The following CWC27 variants were observed in gnomAD, a reference collection of about 807,000 sequenced individuals.
CWC27 encodes the protein spliceosome-associated protein CWC27 homolog.
Under a neutral mutation model 63.6 loss-of-function variants are expected in CWC27, and 47 were observed. That is an observed-to-expected ratio of 0.74 (90% CI 0.58 to 0.94). The LOEUF is 0.94. CWC27 is among the 40% of genes least tolerant of loss of function. The pLI, the probability that CWC27 is intolerant of heterozygous loss-of-function variation, is 0.00. For synonymous variants in CWC27, 175 were observed against 179.8 expected (o/e 0.97, Z 0.22); for missense variants, 495 against 554.3 (o/e 0.89, Z 1.07).
At chr5:64,845,793 GA>G (rs1388594513) in intron 10 of CWC27, among the ~76,000 whole-genome samples, 1 of 152,102 alleles carries the variant, frequency 6.6e-6, no homozygotes, top group Non-Finnish European at 1.5e-5. Flanking sequence ...AGAAGAAAGA[GA>G]AAAAGGGTCA....
Position 64,865,722 on chromosome 5 carries a change from C to T in CWC27, c.939-19721C>T, listed in dbSNP as rs986336523. ...TGTTAAAGTTTTATTCATAAAGCTA[C>T]GCATTACTGGTAATTATTCTGGGCT... On this transcript the variant is annotated intron_variant, in intron 10 of 13. Transcript: ENST00000381070. Among the ~76,000 whole-genome samples the T allele has an allele frequency of 1.7e-4, 26 of 152,102 alleles. 1 individual carries two copies. The East Asian group carries it at 2.7e-3, about 16-fold the overall frequency.
At position 64,990,262 on chromosome 5, in the gene CWC27, T is replaced by G. The variant is rs866712439; in HGVS notation, c.1256+13024T>G. 5.5e-3 allele frequency among the ~76,000 whole-genome samples: 221 copies of G among 39,974 alleles called. 59 individuals are homozygous for G. The South Asian group carries it at 0.13, about 23-fold the overall frequency. The allele number at this position is 39,974 out of a possible 152,430, so 26.2% of individuals were successfully genotyped here. On this transcript the variant is annotated intron_variant, in intron 13 of 13. Transcript: ENST00000381070. ...TTTGTTTTTTTTTTGTTTTTTTTTT[T>G]TTTGTTTTTTTTTTTTTTTTGAGAC...
chr5:64,844,161 G>A (rs188957885), intron 10 of CWC27, among the ~76,000 whole-genome samples: 1 of 152,168 alleles, frequency 6.6e-6, no homozygotes, highest in Non-Finnish European at 1.5e-5. Context: ...ATTTCAACAG[G>A]GGGGAAGGGA....
intron 10 of CWC27, among the ~76,000 whole-genome samples, chr5:64,863,649 C>T (rs1230588525): frequency 6.6e-6 from 1 of 152,030 alleles, no homozygotes; most frequent in African/African-American, 2.4e-5. Flanking sequence ...AACGCACCAT[C>T]ATGCCTTGCT....
intron 13 of CWC27, among the ~76,000 whole-genome samples, chr5:64,995,660 A>G (rs1318067737): frequency 1.3e-5 from 2 of 152,006 alleles, no homozygotes; most frequent in East Asian, 3.9e-4. Context: ...GTAAGGCCTT[A>G]TGTATATTTT....
intron 11 of CWC27, among the ~76,000 whole-genome samples, chr5:64,964,645 T>G (rs1748979840): frequency 6.6e-6 from 1 of 152,196 alleles, no homozygotes; most frequent in Non-Finnish European, 1.5e-5. Context: ...TATAGCTGTT[T>G]GTGAGAAAAT....
At chr5:65,012,640 A>G (rs1055879998) in intron 13 of CWC27, among the ~76,000 whole-genome samples, 1 of 152,202 alleles carries the variant, frequency 6.6e-6, no homozygotes, top group Non-Finnish European at 1.5e-5. Context: ...AGTCTAGCTC[A>G]TTGCCTTTTC....
chr5:64,924,535 T>C (rs1469413478), intron 11 of CWC27, among the ~76,000 whole-genome samples: 1 of 152,236 alleles, frequency 6.6e-6, no homozygotes, highest in Non-Finnish European at 1.5e-5. Flanking sequence ...CTCTTCCTTC[T>C]AACGGCAGTC....
chr5:65,007,272 A>T (rs575093536), intron 13 of CWC27, among the ~76,000 whole-genome samples: 1 of 152,324 alleles, frequency 6.6e-6, no homozygotes, highest in African/African-American at 2.4e-5. Context: ...TGTCAAGGTG[A>T]TCAAAAACAG....
chr5:64,780,699 G>GCGCA (rs1554067288), intron 2 of CWC27, among the ~76,000 whole-genome samples: 28 of 148,154 alleles, frequency 1.9e-4, no homozygotes, highest in African/African-American at 3.4e-4. Context: ...GCACACGCGC[G>GCGCA]CACACACACA....
At chr5:64,834,508 A>C (rs142250971) in intron 10 of CWC27, among the ~76,000 whole-genome samples, 64 of 151,808 alleles carry the variant, frequency 4.2e-4, no homozygotes, top group Non-Finnish European at 7.8e-4. Context: ...AACACCTTTC[A>C]CTCTAAGTTA....
chr5:64,772,408 G>T (rs1245533653), intron 1 of CWC27, among the ~76,000 whole-genome samples: 1 of 151,692 alleles, frequency 6.6e-6, no homozygotes, highest in Non-Finnish European at 1.5e-5. Context: ...GATTGCCTGA[G>T]GTCAGGAGTT....
rs1478556810 is a variant in CWC27, at chr5:64,997,616, A to G, written c.1256+20378A>G. On this transcript the variant is annotated intron_variant, in intron 13 of 13. Transcript: ENST00000381070. ...GATTAACTTAAGGTTGGTTTCTATCATAATTCTTACCATTCTGAGATAAAA... is the reference window on the plus strand; with the variant it reads ...GATTAACTTAAGGTTGGTTTCTATCGTAATTCTTACCATTCTGAGATAAAA... Among the ~76,000 whole-genome samples the G allele has an allele frequency of 5.9e-5, 9 of 152,298 alleles. No individual in the cohort carries two copies. In the East Asian group the frequency reaches 9.6e-4, roughly 16 times the overall value.
At chr5:64,834,199 C>G (rs1309996184) in intron 10 of CWC27, among the ~76,000 whole-genome samples, 1 of 150,880 alleles carries the variant, frequency 6.6e-6, no homozygotes, top group Non-Finnish European at 1.5e-5. Flanking sequence ...TGAATCATAT[C>G]TGTTTGCGTA....
intron 11 of CWC27, among the ~76,000 whole-genome samples, chr5:64,918,276 G>A (rs1192183894): frequency 6.6e-6 from 1 of 152,164 alleles, no homozygotes; most frequent in African/African-American, 2.4e-5. Context: ...GGGCTAGGCA[G>A]GAAGGCAGAT....
At chr5:64,939,144 C>T (rs1748420599) in intron 11 of CWC27, among the ~76,000 whole-genome samples, 2 of 152,102 alleles carry the variant, frequency 1.3e-5, no homozygotes, top group African/African-American at 2.4e-5. Context: ...CAGTTTTGTT[C>T]CCTTGCTGGC....
chr5:64,774,297 C>T (rs1303435682), intron 1 of CWC27, among the ~76,000 whole-genome samples: 1 of 152,118 alleles, frequency 6.6e-6, no homozygotes, highest in Non-Finnish European at 1.5e-5. Context: ...CATGGAACAC[C>T]ACCATGCCTG....
intron 11 of CWC27, among the ~76,000 whole-genome samples, chr5:64,960,216 T>A (rs1748882133): frequency 2.0e-5 from 3 of 152,122 alleles, no homozygotes. Flanking sequence ...TAGGGATTTT[T>A]TTTTTTTTCT....
chr5:64,966,935 G>C (rs1357557438), intron 11 of CWC27, among the ~76,000 whole-genome samples: 1 of 152,032 alleles, frequency 6.6e-6, no homozygotes, highest in Non-Finnish European at 1.5e-5. Flanking sequence ...TTCTGGATTG[G>C]AAGTTGTTCA....
Sources: gnomAD v4.1 joint callset for allele counts (sites outside exome capture counted in the v4.1 genomes callset) on GRCh38, gnomAD v4.1.1 for gene constraint, MANE v1.5 for transcripts, NCBI Gene and HGNC (gene_info 2026-07-23, HGNC 2026-07-21) for gene names.